RNF220: variants seen among roughly 807,000 people sequenced by gnomAD.
The protein encoded by RNF220 is ring finger protein 220, also known as E3 ubiquitin-protein ligase RNF220.
In RNF220, 7 loss-of-function variants were observed where a neutral mutation model predicts 67.1. That is an observed-to-expected ratio of 0.10 (90% CI 0.06 to 0.20). The LOEUF is 0.20. RNF220 is among the 10% of genes least tolerant of loss of function. The pLI is 1.00. For synonymous variants in RNF220, 270 were observed against 283.2 expected (o/e 0.95, Z 0.47); for missense variants, 565 against 740.3 (o/e 0.76, Z 2.75).
chr1:44,473,792 G>A (rs770190155), intron 2 of RNF220, among the ~76,000 whole-genome samples: 2 of 152,092 alleles, frequency 1.3e-5, no homozygotes, highest in African/African-American at 4.8e-5. Flanking sequence ...CTGGTTAACC[G>A]ACACTCTGTA....
intron 2 of RNF220, among the ~76,000 whole-genome samples, chr1:44,594,102 G>A (rs1233530631): frequency 6.6e-6 from 1 of 151,636 alleles, no homozygotes; most frequent in Admixed American, 6.6e-5. Context: ...AAAAAAAAAA[G>A]GGATAAACTC....
intron 4 of RNF220, among the ~76,000 whole-genome samples, chr1:44,625,401 G>A (rs1028524727): frequency 2.0e-5 from 3 of 152,228 alleles, no homozygotes; most frequent in African/African-American, 7.2e-5. Flanking sequence ...ACCGCATGCG[G>A]GTCACATCCT....
At chr1:44,634,540 T>C (rs1644268305) in intron 6 of RNF220, among the ~76,000 whole-genome samples, 3 of 152,124 alleles carry the variant, frequency 2.0e-5, no homozygotes, top group Admixed American at 6.5e-5. Flanking sequence ...TGGCCCTGCT[T>C]TGGGGAACCT....
At chr1:44,502,796 A>G (rs1394357341) in intron 2 of RNF220, among the ~76,000 whole-genome samples, 1 of 152,038 alleles carries the variant, frequency 6.6e-6, no homozygotes, top group Non-Finnish European at 1.5e-5. Context: ...ACAGAGTGCT[A>G]ACTCAGTCGC....
intron 2 of RNF220, among the ~76,000 whole-genome samples, chr1:44,604,433 C>T (rs1667133050): frequency 6.6e-6 from 1 of 152,216 alleles, no homozygotes; most frequent in Admixed American, 6.5e-5. Context: ...CACAAGAGGA[C>T]AGAGGCTGTA....
At chr1:44,589,595 C>T (rs893633501) in intron 2 of RNF220, among the ~76,000 whole-genome samples, 1 of 130,880 alleles carries the variant, frequency 7.6e-6, no homozygotes, top group African/African-American at 2.9e-5. Flanking sequence ...GCCTGGGTGA[C>T]AGAGCGAGAC....
At chr1:44,522,643 A>C (rs1262178737) in intron 2 of RNF220, among the ~76,000 whole-genome samples, 1 of 151,260 alleles carries the variant, frequency 6.6e-6, no homozygotes, top group Non-Finnish European at 1.5e-5. Context: ...TCAGGTAGAA[A>C]CATCCCTCCT....
At chr1:44,504,956 G>C (rs910415160) in intron 2 of RNF220, among the ~76,000 whole-genome samples, 1 of 152,106 alleles carries the variant, frequency 6.6e-6, no homozygotes, top group African/African-American at 2.4e-5. Flanking sequence ...TAAAAGTAAA[G>C]GCTAAGAATT....
chr1:44,525,266 G>A (rs1449942650), intron 2 of RNF220, among the ~76,000 whole-genome samples: 1 of 152,182 alleles, frequency 6.6e-6, no homozygotes, highest in African/African-American at 2.4e-5. Flanking sequence ...TTGGTGTGGG[G>A]GGCTTGCTGA....
rs1666706669 is a variant in RNF220, at chr1:44,598,629, G to T, written c.626-15536G>T. On this transcript the variant is annotated intron_variant, in intron 2 of 14. Transcript: ENST00000361799. ...CCGAGGGCTCTGGGATAGGGGAGCT[G>T]CTGGGGACCCTCTAGGAGCACGTGA... Among the ~76,000 whole-genome samples, 2 of 151,598 alleles carry T rather than the reference G, an allele frequency of 1.3e-5. 1 individual carries two copies. The highest frequency in any genetic ancestry group is 4.3e-4 in the South Asian group (2 of 4,684).
intron 2 of RNF220, among the ~76,000 whole-genome samples, chr1:44,473,793 A>G (rs1318933034): frequency 1.3e-5 from 2 of 152,148 alleles, no homozygotes; most frequent in Non-Finnish European, 1.5e-5. Context: ...TGGTTAACCG[A>G]CACTCTGTAT....
At chr1:44,509,880 C>G (rs1658804494) in intron 2 of RNF220, among the ~76,000 whole-genome samples, 1 of 27,408 alleles carries the variant, frequency 3.6e-5, no homozygotes, top group Non-Finnish European at 7.1e-5. Context: ...GAGCGAGACC[C>G]TGTCCAAAAA....
At chr1:44,518,071 CACTCCAACCTGGGACAGAGCAAG>C (rs1659596914) in intron 2 of RNF220, among the ~76,000 whole-genome samples, 1 of 152,014 alleles carries the variant, frequency 6.6e-6, no homozygotes, top group African/African-American at 2.4e-5. Context: ...CGTGCCACTG[CACTCCAACCTGGGACAGAGCAAG>C]ACTCCGTCTA....
At chr1:44,430,188 G>A (rs1307010004) in intron 2 of RNF220, among the ~76,000 whole-genome samples, 1 of 152,204 alleles carries the variant, frequency 6.6e-6, no homozygotes, top group Non-Finnish European at 1.5e-5. Context: ...CCCCTGGGAA[G>A]TATGACTAGG....
intron 2 of RNF220, among the ~76,000 whole-genome samples, chr1:44,475,107 C>T (rs1655179000): frequency 6.6e-6 from 1 of 151,990 alleles, no homozygotes; most frequent in Admixed American, 6.6e-5. Flanking sequence ...TAGGAATTTG[C>T]ACTCTAATTG....
chr1:44,412,542 G>C lies in RNF220; in HGVS notation c.445G>C (p.Glu149Gln). 6.2e-7 allele frequency: 1 copy of C among 1,614,150 alleles called. No homozygotes were observed. Among genetic ancestry groups the C allele is most frequent in the Non-Finnish European group, 8.5e-7 (1 of 1,180,030 alleles). The change falls in exon 2 of 15, where the codon GAG becomes CAG. Residue 149 changes from glutamate to glutamine, a missense_variant. Coordinates refer to ENST00000361799, the MANE Select transcript of RNF220 (RefSeq NM_018150.4). The surrounding 1 kb of genome is among the most constrained non-coding windows in gnomAD (Gnocchi z 5.3). ...GCGACTTAAGAACTGCCATGACACA[G>C]AGTCTCCCCACTTGCGCTTCTCAGA... ...AKRLKNCHDT[E>Q]SPHLRFSDAD...
intron 2 of RNF220, among the ~76,000 whole-genome samples, chr1:44,527,327 T>G (rs1056151922): frequency 1.3e-5 from 2 of 152,094 alleles, no homozygotes; most frequent in Non-Finnish European, 2.9e-5. Flanking sequence ...TCTTCCCTTT[T>G]TCTTTCCCCG....
At chr1:44,568,480 G>A (rs545820231) in intron 2 of RNF220, among the ~76,000 whole-genome samples, 1 of 152,316 alleles carries the variant, frequency 6.6e-6, no homozygotes, top group East Asian at 1.9e-4. Flanking sequence ...ACAGTGCCTG[G>A]CCACATGGTA....
chr1:44,536,188 C>G (rs1162804450), intron 2 of RNF220, among the ~76,000 whole-genome samples: 5 of 152,156 alleles, frequency 3.3e-5, no homozygotes. Flanking sequence ...CCTCCATACT[C>G]CTCCCAGAAC....
Sources: gnomAD v4.1 joint callset for allele counts (sites outside exome capture counted in the v4.1 genomes callset) on GRCh38, gnomAD v4.1.1 for gene constraint, Gnocchi (gnomAD v3.1) non-coding constraint, MANE v1.5 for transcripts, NCBI Gene and HGNC (gene_info 2026-07-23, HGNC 2026-07-21) for gene names.